The following LYN variants were observed in gnomAD, a reference collection of about 807,000 sequenced individuals.
LYN encodes LYN proto-oncogene, Src family tyrosine kinase, also known as tyrosine-protein kinase Lyn.
Under a neutral mutation model 65.0 loss-of-function variants are expected in LYN, and 12 were observed. That is an observed-to-expected ratio of 0.18 (90% confidence interval 0.12 to 0.30). The LOEUF (loss-of-function observed/expected upper bound fraction) is 0.30. LYN is among the 10% of genes least tolerant of loss of function. LYN has a pLI of 1.00. For synonymous variants in LYN, 222 were observed against 221.2 expected, an observed-to-expected ratio of 1.00 and a Z score of -0.03; for missense variants, 380 against 623.2, an observed-to-expected ratio of 0.61 and a Z score of 4.16.
In LYN at chr8:55,966,969, G is replaced by T; in HGVS notation, c.973+72G>T. On this transcript the variant is annotated intron_variant, in intron 9 of 12. Coordinates refer to ENST00000519728, the MANE Select transcript of LYN (RefSeq NM_002350.4). ...AAAGTAAAATGTGTAAGTGTTCAGA[G>T]GTCACTCAACTAGTTTAATTATCAA... is the stretch of plus-strand genomic sequence containing the variant. 3 of 1,408,288 alleles carry T rather than the reference G, an allele frequency of 2.1e-6. No individual in the cohort carries two copies. The South Asian group carries it at 4.0e-5, about 19-fold the overall frequency. 87.2% of individuals were successfully genotyped at this position (1,408,288 alleles called of 1,614,324 possible). A position where few individuals can be genotyped will look rare whatever the true frequency, so the allele number is the denominator to read the frequency against.
At chr8:55,944,901 A>G (rs1056662487) in intron 2 of LYN, among the ~76,000 whole-genome samples, 1 of 152,234 alleles carries the variant, frequency 6.6e-6, no homozygotes, top group African/African-American at 2.4e-5. Flanking sequence ...TTAAAAATCA[A>G]GTTAGAAAGC....
intron 1 of LYN, chr8:55,902,720 G>A (rs1805306343): frequency 2.1e-6 from 1 of 483,908 alleles, no homozygotes; most frequent in Non-Finnish European, 4.0e-6. Flanking sequence ...CATAAGCATG[G>A]CAAAATGTTA....
At chr8:55,989,485 C>T (rs1310346241) in intron 10 of LYN, among the ~76,000 whole-genome samples, 1 of 152,124 alleles carries the variant, frequency 6.6e-6, no homozygotes, top group Non-Finnish European at 1.5e-5. Context: ...TGAGGGAGAG[C>T]CCGGTTGCCT....
At chr8:55,997,866 C>T (rs905476694) in intron 10 of LYN, among the ~76,000 whole-genome samples, 4 of 152,116 alleles carry the variant, frequency 2.6e-5, no homozygotes, top group East Asian at 1.9e-4. Flanking sequence ...GGGCGGATCA[C>T]GAGGTCAGGA....
At chr8:55,920,758 G>A in intron 1 of LYN, among the ~76,000 whole-genome samples, 1 of 136,764 alleles carries the variant, frequency 7.3e-6, no homozygotes. Context: ...TGCAAGCTCC[G>A]CCCCTCCCCC....
chr8:55,942,784 C>CA (rs397891417), intron 2 of LYN, among the ~76,000 whole-genome samples: 7,730 of 83,622 alleles, frequency 0.092, 639 homozygotes, highest in African/African-American at 0.24. Context: ...GACTCTGTCT[C>CA]AAAAAAAAAA....
chr8:55,900,801 C>T (rs1805240124), intron 1 of LYN, among the ~76,000 whole-genome samples: 1 of 152,064 alleles, frequency 6.6e-6, no homozygotes, highest in South Asian at 2.1e-4. Flanking sequence ...AAATACTTAT[C>T]TAGCTTGCAT....
chr8:55,976,298 G>A (rs1300833174), intron 10 of LYN, among the ~76,000 whole-genome samples: 1 of 140,088 alleles, frequency 7.1e-6, no homozygotes, highest in East Asian at 2.1e-4. Flanking sequence ...CTACATTCCA[G>A]CCTGAGTGAC....
At chr8:55,994,190 G>T (rs1289436893) in intron 10 of LYN, among the ~76,000 whole-genome samples, 1 of 152,158 alleles carries the variant, frequency 6.6e-6, no homozygotes, top group Non-Finnish European at 1.5e-5. Context: ...ACCAGGGAAA[G>T]AATAAAGAGA....
chr8:55,883,227 C>T (rs931359119), intron 1 of LYN, among the ~76,000 whole-genome samples: 1 of 152,154 alleles, frequency 6.6e-6, no homozygotes, highest in Non-Finnish European at 1.5e-5. Context: ...TTTGCACCAT[C>T]GTAAAGTTGA....
intron 1 of LYN, among the ~76,000 whole-genome samples, chr8:55,935,693 A>C (rs1391425623): frequency 6.6e-6 from 1 of 151,456 alleles, no homozygotes; most frequent in Non-Finnish European, 1.5e-5. Context: ...AGGCAGGAGA[A>C]TCGCTTGAAC....
At chr8:55,927,598 G>T (rs1224244535) in intron 1 of LYN, among the ~76,000 whole-genome samples, 1 of 152,168 alleles carries the variant, frequency 6.6e-6, no homozygotes, top group Non-Finnish European at 1.5e-5. Flanking sequence ...ACTTTGGGAG[G>T]CAGAGGCAGG....
At chr8:55,970,221 A>G (rs1807574688) in intron 10 of LYN, among the ~76,000 whole-genome samples, 1 of 152,206 alleles carries the variant, frequency 6.6e-6, no homozygotes, top group Non-Finnish European at 1.5e-5. Flanking sequence ...CAGAGGAACT[A>G]TGTCACTTTC....
In LYN at chr8:56,009,909, G is replaced by T. The variant is rs767857994; in HGVS notation, c.1338G>T (p.Gly446=). ...TCTTTTTGTTTTTTTCCACCCTAGG[G>T]AGAACTAATGCCGACGTGATGACCG... ...IVTYGKIPYP[G]RTNADVMTAL... is the part of the protein sequence containing the mutation. Residue 446 remains glycine, a splice_region_variant and synonymous_variant, in exon 13 of 13, where the codon GGG becomes GGT. Transcript: ENST00000519728. The T allele has an allele frequency of 3.7e-6, 6 of 1,613,610 alleles. No individual in the cohort carries two copies. The African/African-American group carries it at 8.0e-5, about 22-fold the overall frequency.
At chr8:55,973,214 G>A (rs1807659540) in intron 10 of LYN, among the ~76,000 whole-genome samples, 1 of 152,116 alleles carries the variant, frequency 6.6e-6, no homozygotes. Flanking sequence ...AAGTGGCTAA[G>A]TGCACGTGAC....
At chr8:55,988,907 A>G (rs902787136) in intron 10 of LYN, among the ~76,000 whole-genome samples, 16 of 152,034 alleles carry the variant, frequency 1.1e-4, no homozygotes, top group Non-Finnish European at 1.9e-4. Flanking sequence ...AAAACAAAAA[A>G]CTCACCGAGC....
intron 1 of LYN, among the ~76,000 whole-genome samples, chr8:55,934,191 A>C (rs1312502347): frequency 6.6e-6 from 1 of 152,074 alleles, no homozygotes; most frequent in East Asian, 1.9e-4. Flanking sequence ...GTGCCATTGC[A>C]CTCCAGCCTG....
intron 1 of LYN, among the ~76,000 whole-genome samples, chr8:55,915,455 A>G (rs991511889): frequency 4.6e-5 from 7 of 152,244 alleles, no homozygotes; most frequent in Admixed American, 6.5e-5. Context: ...CTGTAATCCC[A>G]ACACTTTCGG....
intron 1 of LYN, among the ~76,000 whole-genome samples, chr8:55,887,603 C>CACACACACAT (rs775901867): frequency 1.9e-3 from 213 of 111,974 alleles, no homozygotes; most frequent in African/African-American, 5.5e-3. Context: ...CACACACACA[C>CACACACACAT]ATATATATAT....
Sources: allele counts gnomAD v4.1 joint callset (sites outside exome capture counted in the v4.1 genomes callset), GRCh38; gene constraint gnomAD v4.1.1; transcripts MANE v1.5; gene names NCBI Gene and HGNC (gene_info 2026-07-23, HGNC 2026-07-21).